Variants in ARHGEF12 observed in about 807,000 individuals in gnomAD.
ARHGEF12 encodes KMT2A/ARHGEF12 fusion protein.
Under a neutral mutation model 211.2 loss-of-function variants are expected in ARHGEF12, and 66 were observed. The observed-to-expected ratio is 0.31, with a 90% CI of 0.26 to 0.38. The LOEUF (loss-of-function observed/expected upper bound fraction) is 0.38, where lower values mean the gene tolerates loss of function less well. Ranked by LOEUF, ARHGEF12 falls within the 10% of genes least tolerant of loss-of-function variation. The pLI is 1.00. For synonymous variants in ARHGEF12, 592 were observed against 638.4 expected (o/e 0.93, Z 1.09); for missense variants, 1,429 against 1,869.5 (o/e 0.76, Z 4.34).
At chr11:120,370,513 A>G (rs1018964265) in intron 1 of ARHGEF12, among the ~76,000 whole-genome samples, 3 of 150,946 alleles carry the variant, frequency 2.0e-5, no homozygotes, top group Non-Finnish European at 4.4e-5. Flanking sequence ...TAAAAGTTTT[A>G]TTTTTTTTTA....
At chr11:120,338,455 A>G (rs1942424766) in intron 1 of ARHGEF12, among the ~76,000 whole-genome samples, 2 of 152,262 alleles carry the variant, frequency 1.3e-5, no homozygotes, top group African/African-American at 4.8e-5. Flanking sequence ...CCAGCATCAC[A>G]TGAATGTTCA....
chr11:120,461,506 T>A (rs1345472420), intron 27 of ARHGEF12, among the ~76,000 whole-genome samples: 1 of 152,222 alleles, frequency 6.6e-6, no homozygotes, highest in Non-Finnish European at 1.5e-5. Flanking sequence ...GCATTATTCT[T>A]AAGGGTCCCA....
chr11:120,465,365 G>A lies in ARHGEF12; in HGVS notation c.2739+3G>A, dbSNP rs1291417601. On this transcript the variant is annotated splice_donor_region_variant and intron_variant, in intron 28 of 40. Coordinates refer to ENST00000397843, the MANE Select transcript of ARHGEF12 (RefSeq NM_015313.3). ...CTCGATTTCAGACTTTTGTGCAAGT[G>A]AGTTGAGTGAGTCATGTAAGAAAAA... is the stretch of plus-strand genomic sequence containing the variant. 1 of 1,613,804 alleles carries A rather than the reference G, an allele frequency of 6.2e-7. No individual in the cohort carries two copies. The highest frequency in any genetic ancestry group is 8.5e-7 in the Non-Finnish European group (1 of 1,179,986).
intron 1 of ARHGEF12, among the ~76,000 whole-genome samples, chr11:120,350,492 G>T (rs1415239974): frequency 2.0e-5 from 3 of 150,696 alleles, no homozygotes; most frequent in Non-Finnish European, 4.4e-5. Context: ...TCCAGCCTGG[G>T]TGACAGAGCA....
At chr11:120,454,838 C>T (rs903267637) in intron 22 of ARHGEF12, among the ~76,000 whole-genome samples, 9 of 152,048 alleles carry the variant, frequency 5.9e-5, no homozygotes, top group Non-Finnish European at 1.3e-4. Context: ...AAAAAGAGAG[C>T]GAAAAGGAAG....
In ARHGEF12 at chr11:120,477,490, C is replaced by T. The variant is rs772527345; in HGVS notation, c.3496C>T (p.Gln1166Ter). The T allele has an allele frequency of 6.2e-7, 1 of 1,609,542 alleles. No homozygotes were observed. Among genetic ancestry groups the T allele is most frequent in the Non-Finnish European group, 8.5e-7 (1 of 1,179,442 alleles). Residue 1166 changes from glutamine to a stop codon, truncating the protein, a stop_gained, in exon 36 of 41, where the codon CAG becomes TAG. Transcript: ENST00000397843. LOFTEE classifies it high-confidence loss of function. ...EEDPSKLKEE[Q>*]HGISVTGLQS... ...AGATCCTTCAAAATTAAAAGAGGAG[C>T]AGCATGGCATTTCAGTCACTGGTTT... is the stretch of plus-strand genomic sequence containing the variant.
rs190439829 is a variant in ARHGEF12, at chr11:120,441,375, T to C, written c.1093-332T>C. Among the ~76,000 whole-genome samples, 81 of 152,292 alleles carry C rather than the reference T, an allele frequency of 5.3e-4. 2 individuals carry two copies. The South Asian group carries it at 5.4e-3, about 10-fold the overall frequency. ...AAAAGGATAAACAGCTATTTTATGA[T>C]TGGGCAAAAAGCCTTCCACTGCATT... On this transcript the variant is annotated intron_variant, in intron 13 of 40. Coordinates refer to ENST00000397843, the MANE Select transcript of ARHGEF12 (RefSeq NM_015313.3).
chr11:120,339,775 G>A (rs1308684904), intron 1 of ARHGEF12, among the ~76,000 whole-genome samples: 3 of 152,206 alleles, frequency 2.0e-5, no homozygotes, highest in Non-Finnish European at 4.4e-5. Flanking sequence ...TGTTAGGGAC[G>A]TGCTGGGGCT....
At chr11:120,431,236 G>A (rs1023505830) in intron 10 of ARHGEF12, among the ~76,000 whole-genome samples, 2 of 152,068 alleles carry the variant, frequency 1.3e-5, no homozygotes, top group Admixed American at 1.3e-4. Flanking sequence ...GTTACAGTGA[G>A]CCGAGATCCT....
Position 120,366,502 on chromosome 11 carries a change from A to C in ARHGEF12, c.32+29227A>C, listed in dbSNP as rs1943425397. ...TTTTCATGACATGCTGTGGGCAATAAAATAATACAGTGGGTGATCTGTTGT... is the reference window on the plus strand; with the variant it reads ...TTTTCATGACATGCTGTGGGCAATACAATAATACAGTGGGTGATCTGTTGT... On this transcript the variant is annotated intron_variant, in intron 1 of 40. Coordinates refer to ENST00000397843, the MANE Select transcript of ARHGEF12 (RefSeq NM_015313.3). 2.0e-5 allele frequency among the ~76,000 whole-genome samples: 3 copies of C among 152,174 alleles called. No individual in the cohort carries two copies. In the South Asian group the frequency reaches 6.2e-4, roughly 32 times the overall value.
chr11:120,462,237 T>C (rs1946556505), intron 27 of ARHGEF12, among the ~76,000 whole-genome samples: 1 of 152,156 alleles, frequency 6.6e-6, no homozygotes, highest in South Asian at 2.1e-4. Context: ...AATATTGTTG[T>C]GTCTCAGAAT....
intron 1 of ARHGEF12, chr11:120,337,562 C>T (rs1942390568): frequency 2.0e-6 from 2 of 985,324 alleles, no homozygotes; most frequent in Middle Eastern, 5.2e-4. Context: ...ATTGTGTACT[C>T]GTCTGGAAAT....
intron 4 of ARHGEF12, among the ~76,000 whole-genome samples, chr11:120,418,561 A>G (rs1030355908): frequency 1.4e-4 from 21 of 152,352 alleles, no homozygotes; most frequent in Middle Eastern, 3.4e-3. Flanking sequence ...TCTTCAGAGT[A>G]AAATTAATGG....
chr11:120,442,449 CACACACAT>C (rs1337601768), intron 15 of ARHGEF12, among the ~76,000 whole-genome samples: 8 of 142,062 alleles, frequency 5.6e-5, no homozygotes, highest in African/African-American at 2.1e-4. Context: ...CACACACACA[CACACACAT>C]ATATATACAC....
intron 1 of ARHGEF12, among the ~76,000 whole-genome samples, chr11:120,352,526 G>A (rs1006199855): frequency 3.9e-5 from 6 of 152,098 alleles, no homozygotes; most frequent in South Asian, 2.1e-4. Context: ...TTATCATTTA[G>A]TTTATATTTT....
At chr11:120,478,601 A>C (rs7120174) in intron 37 of ARHGEF12, among the ~76,000 whole-genome samples, 32,313 of 152,142 alleles carry the variant, frequency 0.21, 3,641 homozygotes, top group Middle Eastern at 0.24. Flanking sequence ...ATCACTGTTA[A>C]AATGGGAGGA....
chr11:120,345,360 A>G (rs1942672130), intron 1 of ARHGEF12, among the ~76,000 whole-genome samples: 1 of 152,212 alleles, frequency 6.6e-6, no homozygotes, highest in South Asian at 2.1e-4. Flanking sequence ...ATCCATATAC[A>G]AAACACTATA....
At chr11:120,411,355 G>T (rs1184597121) in intron 4 of ARHGEF12, 1 of 152,056 alleles carries the variant, frequency 6.6e-6, no homozygotes, top group Non-Finnish European at 1.5e-5. Context: ...TTTAGATTAC[G>T]TACAGTTAGC....
intron 6 of ARHGEF12, among the ~76,000 whole-genome samples, chr11:120,423,770 T>A (rs1945267096): frequency 6.6e-6 from 1 of 152,154 alleles, no homozygotes; most frequent in Non-Finnish European, 1.5e-5. Context: ...GATATATTTG[T>A]ATTTTAGATA....
Sources: gnomAD v4.1 joint callset for allele counts (sites outside exome capture counted in the v4.1 genomes callset) on GRCh38, gnomAD v4.1.1 for gene constraint, MANE v1.5 for transcripts, NCBI Gene and HGNC (gene_info 2026-07-23, HGNC 2026-07-21) for gene names.